The following NRG3 variants were observed in gnomAD, a reference collection of about 807,000 sequenced individuals.
NRG3 encodes the protein pro-neuregulin-3, membrane-bound isoform.
A neutral mutation model predicts 66.9 loss-of-function variants in NRG3; 31 were observed. The observed-to-expected ratio is 0.46, with a 90% confidence interval of 0.35 to 0.63. The LOEUF is 0.63. NRG3 is among the 20% of genes least tolerant of loss of function. NRG3 has a pLI of 0.00. For synonymous variants in NRG3, 393 were observed against 359.4 expected, an observed-to-expected ratio of 1.09 and a Z score of -1.06; for missense variants, 910 against 878.9, an observed-to-expected ratio of 1.04 and a Z score of -0.45.
intron 1 of NRG3, among the ~76,000 whole-genome samples, chr10:82,287,107 G>A (rs771516878): frequency 5.9e-5 from 9 of 152,120 alleles, no homozygotes; most frequent in Non-Finnish European, 1.0e-4. Context: ...AGTTTGATAT[G>A]TGTCCCCATC....
chr10:81,985,517 C>T (rs1305633204), intron 1 of NRG3, among the ~76,000 whole-genome samples: 1 of 152,186 alleles, frequency 6.6e-6, no homozygotes, highest in Non-Finnish European at 1.5e-5. Flanking sequence ...CACATCCCAG[C>T]AATTCTTAAA....
At chr10:82,901,102 C>T (rs1044398632) in intron 4 of NRG3, among the ~76,000 whole-genome samples, 13 of 152,056 alleles carry the variant, frequency 8.5e-5, no homozygotes, top group Non-Finnish European at 1.8e-4. Flanking sequence ...TTATAATGTC[C>T]GTTTGAACTG....
At chr10:82,631,559 G>A (rs1183370795) in intron 2 of NRG3, among the ~76,000 whole-genome samples, 1 of 148,954 alleles carries the variant, frequency 6.7e-6, no homozygotes, top group Non-Finnish European at 1.5e-5. Flanking sequence ...CCATTTGACT[G>A]TGGGCATCCC....
intron 1 of NRG3, among the ~76,000 whole-genome samples, chr10:82,131,240 T>G (rs2068796418): frequency 6.6e-6 from 1 of 152,146 alleles, no homozygotes; most frequent in South Asian, 2.1e-4. Flanking sequence ...GATAGGGGTC[T>G]AATTTCATTG....
chr10:82,843,223 G>A, intron 3 of NRG3: 1 of 454,358 alleles, frequency 2.2e-6, no homozygotes, highest in Non-Finnish European at 4.4e-6. Flanking sequence ...CATTATAACA[G>A]TATTACGAAG....
intron 1 of NRG3, among the ~76,000 whole-genome samples, chr10:82,275,339 C>T (rs1020625607): frequency 6.6e-6 from 1 of 151,920 alleles, no homozygotes; most frequent in Non-Finnish European, 1.5e-5. Context: ...TGGACAGTAT[C>T]TCCTTAGGCT....
chr10:82,872,797 A>T (rs903648390), intron 4 of NRG3, among the ~76,000 whole-genome samples: 1 of 151,932 alleles, frequency 6.6e-6, no homozygotes, highest in African/African-American at 2.4e-5. Flanking sequence ...AGGAAAGGGG[A>T]CACTTAAGCT....
chr10:82,360,632 G>A (rs1264524646), intron 2 of NRG3, among the ~76,000 whole-genome samples: 3 of 152,174 alleles, frequency 2.0e-5, no homozygotes, highest in African/African-American at 7.2e-5. Context: ...CTTCATGAGT[G>A]TATGAATTTG....
intron 3 of NRG3, among the ~76,000 whole-genome samples, chr10:82,791,311 G>GTT (rs796610593): frequency 2.0e-5 from 3 of 146,970 alleles, no homozygotes; most frequent in African/African-American, 5.1e-5. Flanking sequence ...TTTTTTTTTG[G>GTT]TTTTTTTTTC....
chr10:82,735,810 G>A (rs1476338469), intron 2 of NRG3, among the ~76,000 whole-genome samples: 1 of 152,086 alleles, frequency 6.6e-6, no homozygotes, highest in Non-Finnish European at 1.5e-5. Context: ...ATGCATGTGA[G>A]GTTTAAAACC....
chr10:82,153,770 T>C (rs762949948), intron 1 of NRG3, among the ~76,000 whole-genome samples: 8 of 152,092 alleles, frequency 5.3e-5, no homozygotes, highest in Non-Finnish European at 1.2e-4. Flanking sequence ...AGGTATGAGG[T>C]AATATCTCAT....
At chr10:82,008,015 G>A (rs2207780) in intron 1 of NRG3, among the ~76,000 whole-genome samples, 81,317 of 151,984 alleles carry the variant, frequency 0.54, 21,832 homozygotes, top group Admixed American at 0.64. Context: ...TTATTCAACA[G>A]ATACTTACTG....
At chr10:82,161,445 G>A (rs7893439) in intron 1 of NRG3, among the ~76,000 whole-genome samples, 12,827 of 152,082 alleles carry the variant, frequency 0.084, 836 homozygotes, top group African/African-American at 0.17. Context: ...AATATATAAA[G>A]CAATCACTTC....
At chr10:82,719,979 A>G (rs1449416631) in intron 2 of NRG3, among the ~76,000 whole-genome samples, 3 of 152,194 alleles carry the variant, frequency 2.0e-5, no homozygotes, top group African/African-American at 7.2e-5. Flanking sequence ...TCCTTTAGAC[A>G]TTTTCAGATT....
chr10:82,270,759 T>C (rs1173239251), intron 1 of NRG3, among the ~76,000 whole-genome samples: 1 of 152,032 alleles, frequency 6.6e-6, no homozygotes, highest in African/African-American at 2.4e-5. Context: ...ACAAATAATA[T>C]CATGGCCAGT....
At chr10:82,248,822 A>G (rs2077360616) in intron 1 of NRG3, among the ~76,000 whole-genome samples, 1 of 152,160 alleles carries the variant, frequency 6.6e-6, no homozygotes, top group African/African-American at 2.4e-5. Flanking sequence ...GCTGTTTCAT[A>G]TTCATATTTG....
At chr10:82,912,756 A>G (rs934031808) in intron 4 of NRG3, among the ~76,000 whole-genome samples, 1 of 151,060 alleles carries the variant, frequency 6.6e-6, no homozygotes, top group African/African-American at 2.4e-5. Flanking sequence ...TTGTTTTTTC[A>G]TTTTTGGATC....
intron 2 of NRG3, among the ~76,000 whole-genome samples, chr10:82,411,114 G>A (rs1009912778): frequency 1.3e-5 from 2 of 151,948 alleles, no homozygotes; most frequent in African/African-American, 2.4e-5. Flanking sequence ...CAGGATTTCA[G>A]CATGTAAGCC....
At chr10:82,889,964 G>C (rs1325752617) in intron 4 of NRG3, among the ~76,000 whole-genome samples, 1 of 152,064 alleles carries the variant, frequency 6.6e-6, no homozygotes, top group Non-Finnish European at 1.5e-5. Flanking sequence ...AAGATAGCTC[G>C]TGACATCACT....
Sources: gnomAD v4.1 joint callset for allele counts (sites outside exome capture counted in the v4.1 genomes callset) on GRCh38, gnomAD v4.1.1 for gene constraint, MANE v1.5 for transcripts, NCBI Gene and HGNC (gene_info 2026-07-23, HGNC 2026-07-21) for gene names.